The following CNTNAP5 variants were observed in gnomAD, a reference collection of about 807,000 sequenced individuals.
CNTNAP5 encodes contactin associated protein family member 5.
Under a neutral mutation model 150.2 loss-of-function variants are expected in CNTNAP5, and 72 were observed. The ratio of observed to expected loss-of-function variants is 0.48; its 90% CI spans 0.40 to 0.58. The LOEUF is 0.58. Among genes scored for constraint, CNTNAP5 ranks in the 20% least tolerant of loss-of-function variants. The probability of loss-of-function intolerance (pLI) is 0.00; values close to 1 mark genes in which losing one functional copy is unlikely to be tolerated. For missense variants in CNTNAP5, 1,636 were observed against 1,626.2 expected (o/e 1.01, Z -0.10); for synonymous variants, 672 against 619.8 (o/e 1.08, Z -1.25).
At position 124,609,819 on chromosome 2, in the gene CNTNAP5, G is replaced by T; in HGVS notation, c.1775G>T (p.Cys592Phe). The change falls in exon 12 of 24, where the codon TGC (cysteine) becomes TTC (phenylalanine). Residue 592 changes from cysteine to phenylalanine, a missense_variant. Transcript: ENST00000682447. ...TCHNSIYEQSCEVYRHQGNTA... is the reference protein window; with the variant it reads ...TCHNSIYEQSFEVYRHQGNTA... The stretch of plus-strand genomic sequence containing the variant: ...TTTCCAGCCATCTACGAGCAATCCT[G>T]CGAGGTGTACAGGCACCAGGGGAAT... 6.2e-7 allele frequency: 1 copy of T among 1,613,956 alleles called. No homozygotes were observed. Among genetic ancestry groups the T allele is most frequent in the Non-Finnish European group, 8.5e-7 (1 of 1,179,862 alleles).
At chr2:124,413,315 C>T (rs980632898) in intron 3 of CNTNAP5, among the ~76,000 whole-genome samples, 1 of 151,450 alleles carries the variant, frequency 6.6e-6, no homozygotes, top group African/African-American at 2.4e-5. Flanking sequence ...TTGTGGAAGT[C>T]ATTGTGGCGA....
intron 22 of CNTNAP5, among the ~76,000 whole-genome samples, chr2:124,910,715 C>T (rs1678637269): frequency 6.6e-6 from 1 of 151,998 alleles, no homozygotes; most frequent in South Asian, 2.1e-4. Flanking sequence ...AACAACAATA[C>T]TCATGTTGTA....
chr2:124,496,467 A>G (rs1439225997), intron 7 of CNTNAP5, among the ~76,000 whole-genome samples: 1 of 152,234 alleles, frequency 6.6e-6, no homozygotes, highest in Non-Finnish European at 1.5e-5. Context: ...ACTGAAGCTC[A>G]GCTTTGCACT....
At chr2:124,034,858 C>T (rs2104624664) in intron 1 of CNTNAP5, among the ~76,000 whole-genome samples, 1 of 152,232 alleles carries the variant, frequency 6.6e-6, no homozygotes, top group Non-Finnish European at 1.5e-5. Context: ...AGCCACATTA[C>T]CCTCCTGTGT....
intron 19 of CNTNAP5, among the ~76,000 whole-genome samples, chr2:124,824,707 G>A (rs1682558438): frequency 6.6e-6 from 1 of 152,190 alleles, no homozygotes; most frequent in Non-Finnish European, 1.5e-5. Flanking sequence ...CCAGCTGGAA[G>A]CAGAGCACGA....
chr2:124,034,264 C>T (rs1172324859), intron 1 of CNTNAP5, among the ~76,000 whole-genome samples: 1 of 152,082 alleles, frequency 6.6e-6, no homozygotes, highest in African/African-American at 2.4e-5. Context: ...TGTGGACATC[C>T]AATCATTATA....
intron 13 of CNTNAP5, among the ~76,000 whole-genome samples, chr2:124,709,369 G>A (rs1323106548): frequency 1.3e-5 from 2 of 151,908 alleles, no homozygotes; most frequent in Non-Finnish European, 2.9e-5. Flanking sequence ...AAATATTAAG[G>A]AAAACTGCCT....
intron 1 of CNTNAP5, among the ~76,000 whole-genome samples, chr2:124,154,441 C>G (rs72845530): frequency 0.081 from 12,320 of 152,004 alleles, 702 homozygotes; most frequent in East Asian, 0.34. Context: ...CTGGGAAATG[C>G]GAAGGGCCAG....
At chr2:124,783,001 T>C (rs191389040) in intron 17 of CNTNAP5, among the ~76,000 whole-genome samples, 4 of 152,314 alleles carry the variant, frequency 2.6e-5, no homozygotes, top group Admixed American at 1.3e-4. Flanking sequence ...ATCAATACAA[T>C]GCTAGGCAAA....
intron 13 of CNTNAP5, among the ~76,000 whole-genome samples, chr2:124,649,453 C>T (rs1051324718): frequency 9.2e-5 from 14 of 152,146 alleles, no homozygotes; most frequent in Admixed American, 4.6e-4. Context: ...TTGAAGGTTT[C>T]GGTTTGGCCG....
At chr2:124,889,152 G>A (rs941895396) in intron 21 of CNTNAP5, among the ~76,000 whole-genome samples, 21 of 142,914 alleles carry the variant, frequency 1.5e-4, no homozygotes, top group Non-Finnish European at 2.9e-4. Context: ...AGGCTGGAGT[G>A]CAGTGGCAAA....
intron 8 of CNTNAP5, among the ~76,000 whole-genome samples, chr2:124,514,387 T>G (rs1319646808): frequency 6.6e-6 from 1 of 152,086 alleles, no homozygotes; most frequent in African/African-American, 2.4e-5. Flanking sequence ...GAGATAGAAT[T>G]TTTTTTTATC....
At chr2:124,288,629 G>T (rs1321057738) in intron 3 of CNTNAP5, among the ~76,000 whole-genome samples, 1 of 152,100 alleles carries the variant, frequency 6.6e-6, no homozygotes, top group Non-Finnish European at 1.5e-5. Context: ...TGGAACTCAT[G>T]ATTCTTGCTA....
intron 12 of CNTNAP5, among the ~76,000 whole-genome samples, chr2:124,632,596 C>T (rs34352636): frequency 0.099 from 15,081 of 151,820 alleles, 968 homozygotes; most frequent in South Asian, 0.14. Flanking sequence ...AAATCTAATT[C>T]GTGCTGGGCT....
intron 13 of CNTNAP5, among the ~76,000 whole-genome samples, chr2:124,717,434 A>G (rs1178720018): frequency 1.3e-5 from 2 of 152,250 alleles, no homozygotes; most frequent in Non-Finnish European, 2.9e-5. Flanking sequence ...GCCTAGAGGC[A>G]TTCAATAAAT....
intron 5 of CNTNAP5, among the ~76,000 whole-genome samples, chr2:124,442,897 T>C (rs1405476989): frequency 6.6e-6 from 1 of 152,132 alleles, no homozygotes; most frequent in Non-Finnish European, 1.5e-5. Context: ...ATTTCAGAAA[T>C]GCACTTTTTT....
At chr2:124,699,306 A>G (rs759202771) in intron 13 of CNTNAP5, among the ~76,000 whole-genome samples, 3 of 152,114 alleles carry the variant, frequency 2.0e-5, no homozygotes, top group African/African-American at 7.2e-5. Context: ...TCATGCTTAT[A>G]TGCTTTGGAT....
intron 8 of CNTNAP5, among the ~76,000 whole-genome samples, chr2:124,510,257 C>CTATATATCTATATATCTATATCTATATA (rs1558933144): frequency 2.0e-4 from 4 of 20,466 alleles, no homozygotes; most frequent in Non-Finnish European, 2.6e-4. Context: ...ATATCTATAT[C>CTATATATCTATATATCTATATCTATATA]TATATATCTA....
At chr2:124,324,709 C>T (rs1689175524) in intron 3 of CNTNAP5, among the ~76,000 whole-genome samples, 1 of 152,136 alleles carries the variant, frequency 6.6e-6, no homozygotes, top group South Asian at 2.1e-4. Flanking sequence ...AGCCTGCATG[C>T]TGTATTACTG....
Sources: allele counts gnomAD v4.1 joint callset (sites outside exome capture counted in the v4.1 genomes callset), GRCh38; gene constraint gnomAD v4.1.1; transcripts MANE v1.5; gene names NCBI Gene and HGNC (gene_info 2026-07-23, HGNC 2026-07-21).